The following ATP5F1B variants were observed in gnomAD, a reference collection of about 807,000 sequenced individuals.
The protein encoded by ATP5F1B is ATP synthase F(1) complex subunit beta, mitochondrial.
ATP5F1B carries 17 observed loss-of-function variants against 45.9 expected under a neutral mutation model. The observed-to-expected ratio is 0.37, with a 90% CI of 0.25 to 0.56. ATP5F1B has a LOEUF of 0.56. ATP5F1B is among the 20% of genes least tolerant of loss of function. ATP5F1B has a pLI of 0.80. For missense variants in ATP5F1B, 387 were observed against 673.2 expected (o/e 0.57, Z 4.70); for synonymous variants, 218 against 256.5 (o/e 0.85, Z 1.43).
chr12:56,645,911 C>T lies in ATP5F1B; in HGVS notation c.53G>A (p.Arg18Gln), dbSNP rs1337448142. The change falls in exon 1 of 10, where the codon CGG becomes CAG. Residue 18 changes from arginine (R) to glutamine (Q), a missense_variant. By Grantham distance (43) the Arg-to-Gln change is conservative. Transcript: ENST00000262030. The part of the protein sequence containing the change: ...VAAAPASGAL[R>Q]RLTPSASLPP... ...CAGCGACGCTGAAGGGGTGAGTCTC[C>T]GCAAGGCCCCGGAGGCCGGAGCAGC... 3 of 1,607,478 alleles carry T rather than the reference C, an allele frequency of 1.9e-6. No individual in the cohort carries two copies. The highest frequency in any genetic ancestry group is 2.5e-6 in the Non-Finnish European group (3 of 1,177,470).
rs754432588 is a variant in ATP5F1B at position 56,638,439 on chromosome 12, G to GAA, written c.1490-18_1490-17dup. The GAA allele has an allele frequency of 5.2e-5, 62 of 1,202,024 alleles. No homozygotes were observed. Among genetic ancestry groups the GAA allele is most frequent in the Admixed American group, 1.4e-4 (6 of 43,066 alleles). 74.5% of individuals were successfully genotyped at this position (1,202,024 alleles called of 1,614,324 possible). A position where few individuals can be genotyped will look rare whatever the true frequency, so the allele number is the denominator to read the frequency against. On this transcript the variant is annotated splice_polypyrimidine_tract_variant and intron_variant, in intron 9 of 9. Coordinates refer to ENST00000262030, the MANE Select transcript of ATP5F1B (RefSeq NM_001686.4). Reference sequence around the variant, plus strand: ...TCATATTCACCTGTATGATGGGGGAGAAAAAAAAAAAGAGTAAGAAGCGGA... The same window carrying GAA: ...TCATATTCACCTGTATGATGGGGGAGAAAAAAAAAAAAAGAGTAAGAAGCGGA...
chr12:56,645,901 G>C lies in ATP5F1B; in HGVS notation c.63C>G (p.Thr21=), dbSNP rs776308441. ...APASGALRRL[T]PSASLPPAQL... Reference sequence around the variant, plus strand: ...GAGCTGGGGGCAGCGACGCTGAAGGGGTGAGTCTCCGCAAGGCCCCGGAGG... The same window carrying C: ...GAGCTGGGGGCAGCGACGCTGAAGGCGTGAGTCTCCGCAAGGCCCCGGAGG... The change falls in exon 1 of 10, where the codon ACC becomes ACG. Residue 21 remains threonine (T), a synonymous_variant. Coordinates refer to ENST00000262030, the MANE Select transcript of ATP5F1B (RefSeq NM_001686.4). The C allele has an allele frequency of 1.9e-6, 3 of 1,608,276 alleles. No individual in the cohort carries two copies. The highest frequency in any genetic ancestry group is 2.5e-6 in the Non-Finnish European group (3 of 1,177,796).
intron 7 of ATP5F1B, among the ~76,000 whole-genome samples, chr12:56,640,870 T>TAA (rs59336396): frequency 0.024 from 2,389 of 99,466 alleles, 76 homozygotes; most frequent in African/African-American, 0.074. Context: ...GGGTCTCTAC[T>TAA]AAAAAAAAAA....
intron 3 of ATP5F1B, 143 bp from the exon 4 acceptor site, chr12:56,644,101 G>T: frequency 1.1e-6 from 1 of 924,618 alleles, no homozygotes; most frequent in Non-Finnish European, 1.6e-6. Context: ...ACATAAATCA[G>T]ATAAACTATC....
rs1168735513 is a variant in ATP5F1B at position 56,641,695 on chromosome 12, C to G, written c.1074+763G>C. 7.2e-5 allele frequency among the ~76,000 whole-genome samples: 11 copies of G among 152,108 alleles called. No individual in the cohort carries two copies. The East Asian group carries it at 1.9e-3, about 27-fold the overall frequency. On this transcript the variant is annotated intron_variant, in intron 7 of 9. Transcript: ENST00000262030. Reference sequence around the variant, plus strand: ...CCTCCCGAGTAGCTGGAACTACAGACAGGTGCCACCACGCCCAGCTAATTT... The same window carrying G: ...CCTCCCGAGTAGCTGGAACTACAGAGAGGTGCCACCACGCCCAGCTAATTT...
intron 8 of ATP5F1B, 147 bp from the exon 9 acceptor site, chr12:56,639,454 T>C (rs760597302): frequency 2.1e-5 from 15 of 730,360 alleles, no homozygotes; most frequent in Non-Finnish European, 2.9e-5. Flanking sequence ...TTGTTCTCCA[T>C]AGTCCTAGTT....
chr12:56,645,916 G>C lies in ATP5F1B; in HGVS notation c.48C>G (p.Ala16=). The C allele has an allele frequency of 6.2e-7, 1 of 1,607,378 alleles. No homozygotes were observed. Among genetic ancestry groups the C allele is most frequent in the South Asian group, 1.1e-5 (1 of 90,006 alleles). ...GRVAAAPASG[A]LRRLTPSASL... ...ACGCTGAAGGGGTGAGTCTCCGCAA[G>C]GCCCCGGAGGCCGGAGCAGCGGCCA... Residue 16 remains alanine (A), a synonymous_variant, in exon 1 of 10, where the codon GCC becomes GCG. Coordinates refer to ENST00000262030, the MANE Select transcript of ATP5F1B (RefSeq NM_001686.4).
chr12:56,645,901 G>T lies in ATP5F1B; in HGVS notation c.63C>A (p.Thr21=). The T allele has an allele frequency of 6.2e-7, 1 of 1,608,276 alleles. No homozygotes were observed. Among genetic ancestry groups the T allele is most frequent in the Non-Finnish European group, 8.5e-7 (1 of 1,177,796 alleles). The change falls in exon 1 of 10, where the codon ACC becomes ACA. Residue 21 remains threonine (T), a synonymous_variant. Transcript: ENST00000262030. Reference sequence around the variant, plus strand: ...GAGCTGGGGGCAGCGACGCTGAAGGGGTGAGTCTCCGCAAGGCCCCGGAGG... The same window carrying T: ...GAGCTGGGGGCAGCGACGCTGAAGGTGTGAGTCTCCGCAAGGCCCCGGAGG... The part of the protein sequence containing the change: ...APASGALRRL[T]PSASLPPAQL...
At chr12:56,638,579 A>G (rs1235465197) in intron 9 of ATP5F1B, among the ~76,000 whole-genome samples, 156 bp from the exon 10 acceptor site, 1 of 152,250 alleles carries the variant, frequency 6.6e-6, no homozygotes, top group African/African-American at 2.4e-5. Context: ...AATCAAATTT[A>G]CAAGATATGA....
In ATP5F1B at chr12:56,639,283, T is replaced by C; in HGVS notation, c.1312A>G (p.Ile438Val). 3 of 1,613,800 alleles carry C rather than the reference T, an allele frequency of 1.9e-6. No homozygotes were observed. The highest frequency in any genetic ancestry group is 1.7e-6 in the Non-Finnish European group (2 of 1,180,002). The change falls in exon 9 of 10, where the codon ATT becomes GTT. Residue 438 changes from isoleucine to valine, a missense_variant. Ile to Val is a conservative substitution (Grantham distance 29). Coordinates refer to ENST00000262030, the MANE Select transcript of ATP5F1B (RefSeq NM_001686.4). ...AGTTCATCCATACCCAGGATGGCAATGATATCCTGGAGGGATTTGTAGTCC... is the reference window on the plus strand; with the variant it reads ...AGTTCATCCATACCCAGGATGGCAACGATATCCTGGAGGGATTTGTAGTCC... ...LQDYKSLQDI[I>V]AILGMDELSE...
rs778645597 is a variant in ATP5F1B, at chr12:56,643,950, G to A, written c.494C>T (p.Pro165Leu). The A allele has an allele frequency of 6.2e-7, 1 of 1,613,872 alleles. No homozygotes were observed. The highest frequency in any genetic ancestry group is 1.1e-5 in the South Asian group (1 of 91,034). Residue 165 changes from proline (P) to leucine (L), a missense_variant, in exon 4 of 10, where the codon CCC (proline) becomes CTC (leucine). Around this residue, in one of 6 missense-constraint regions of ATP5F1B, gnomAD observed 113 missense variants for 168.0 expected, o/e 0.67. Transcript: ENST00000262030. ...RGPIKTKQFAPIHAEAPEFME... is the reference protein window; with the variant it reads ...RGPIKTKQFALIHAEAPEFME... ...GAACTCTGGAGCCTCAGCATGAATG[G>A]GAGCAAATCTGTAAAGGTAGAAGAG...
In ATP5F1B at chr12:56,643,231, G is replaced by T. The variant is rs537373087; in HGVS notation, c.792+172C>A. 16 of 542,346 alleles carry T rather than the reference G, an allele frequency of 3.0e-5. No individual in the cohort carries two copies. The South Asian group carries it at 4.4e-4, about 15-fold the overall frequency. 33.6% of individuals were successfully genotyped at this position (542,346 alleles called of 1,614,324 possible). On this transcript the variant is annotated intron_variant, in intron 5 of 9. Transcript: ENST00000262030. ...ATGTCCATTTGTGTATTGGAAGTTG[G>T]GGGGGAAAACACTAACAGGTTTCCT...
intron 9 of ATP5F1B, 129 bp from the exon 10 acceptor site, chr12:56,638,552 C>A: frequency 1.4e-6 from 1 of 734,952 alleles, no homozygotes; most frequent in Non-Finnish European, 2.3e-6. Flanking sequence ...TCTTAGAAAG[C>A]TTAAATTTCC....
In ATP5F1B at chr12:56,645,824, G is replaced by A; in HGVS notation, c.127+13C>T. The stretch of plus-strand genomic sequence containing the variant: ...GCAAAATGGAACGTTAGCTCCTAGA[G>A]AAAAGCACTTACCAGGATGGACCGC... On this transcript the variant is annotated intron_variant, in intron 1 of 9. Transcript: ENST00000262030. 6.2e-7 allele frequency: 1 copy of A among 1,607,300 alleles called. No individual in the cohort carries two copies. Among genetic ancestry groups the A allele is most frequent in the Non-Finnish European group, 8.5e-7 (1 of 1,177,012 alleles).
At chr12:56,645,013 A>T in intron 2 of ATP5F1B, 58 bp from the exon 3 acceptor site, 1 of 1,612,880 alleles carries the variant, frequency 6.2e-7, no homozygotes, top group Non-Finnish European at 8.5e-7. Context: ...TCAAGACCTA[A>T]ATCGACCAAG....
rs1392988211 is a variant in ATP5F1B, at chr12:56,645,111, T to G, written c.310+60A>C. On this transcript the variant is annotated intron_variant, in intron 2 of 9. Transcript: ENST00000262030. ...AAATCATCATAGAAGGCAGACAGCTTGGTTTTGGGGATATTTGGGCTACAC... is the reference window on the plus strand; with the variant it reads ...AAATCATCATAGAAGGCAGACAGCTGGGTTTTGGGGATATTTGGGCTACAC... The G allele has an allele frequency of 1.1e-5, 17 of 1,610,550 alleles. No individual in the cohort carries two copies. In the East Asian group the frequency reaches 3.8e-4, roughly 36 times the overall value.
chr12:56,641,433 C>T (rs1465868034), intron 7 of ATP5F1B, among the ~76,000 whole-genome samples: 1 of 151,652 alleles, frequency 6.6e-6, no homozygotes, highest in Non-Finnish European at 1.5e-5. Flanking sequence ...TACACTGAAT[C>T]ATGAAAAGTT....
intron 5 of ATP5F1B, 89 bp from the exon 6 acceptor site, chr12:56,642,920 A>G: frequency 7.0e-7 from 1 of 1,423,472 alleles, no homozygotes; most frequent in Non-Finnish European, 9.6e-7. Context: ...ACGACCACAG[A>G]TCCTTTCTCA....
At chr12:56,639,520 T>G (rs1951496638) in intron 8 of ATP5F1B, 2 of 554,684 alleles carry the variant, frequency 3.6e-6, no homozygotes, top group Non-Finnish European at 6.4e-6. Flanking sequence ...ACGTCTGTAA[T>G]CCCACCACTT....
Sources: allele counts gnomAD v4.1 joint callset (sites outside exome capture counted in the v4.1 genomes callset), GRCh38; gene constraint gnomAD v4.1.1; regional missense constraint gnomAD v4.1.1; transcripts MANE v1.5; gene names NCBI Gene and HGNC (gene_info 2026-07-23, HGNC 2026-07-21).